The following SLC44A5 variants were observed in gnomAD, a reference collection of about 807,000 sequenced individuals.
SLC44A5 encodes choline transporter-like protein 5.
In SLC44A5, 57 loss-of-function variants were observed where a neutral mutation model predicts 101.8. That is an observed-to-expected ratio of 0.56 (90% CI 0.45 to 0.70). The LOEUF is 0.70. SLC44A5 is among the 30% of genes least tolerant of loss of function. SLC44A5 has a pLI of 0.00. For missense variants in SLC44A5, 737 were observed against 853.1 expected (o/e 0.86, Z 1.70); for synonymous variants, 281 against 290.9 (o/e 0.97, Z 0.35).
At chr1:75,712,697 G>GA in the SLC44A5 span, among the ~76,000 whole-genome samples, 1,987 of 22,116 alleles carry the variant, frequency 0.09, 106 homozygotes, top group African/African-American at 0.25. Flanking sequence ...AAGCATTTGA[G>GA]AAAAAAAAAA....
intron 4 of SLC44A5, among the ~76,000 whole-genome samples, chr1:75,330,463 CCTTGCTTACTAT>C (rs1365953008): frequency 2.6e-5 from 4 of 152,136 alleles, no homozygotes; most frequent in South Asian, 4.1e-4. Flanking sequence ...GTAACATATT[CCTTGCTTACTAT>C]CTTGCAACTA....
intron 1 of SLC44A5, among the ~76,000 whole-genome samples, chr1:75,559,287 G>A (rs1395857869): frequency 6.6e-6 from 1 of 151,952 alleles, no homozygotes; most frequent in Non-Finnish European, 1.5e-5. Flanking sequence ...AACTGGAATA[G>A]GGTGTTAAAT....
At chr1:75,687,455 C>A in the SLC44A5 span, among the ~76,000 whole-genome samples, 2 of 151,898 alleles carry the variant, frequency 1.3e-5, no homozygotes, top group Non-Finnish European at 2.9e-5. Context: ...AGGCGCCCAC[C>A]AACACGCCTG....
intron 19 of SLC44A5, 45 bp from the exon 20 acceptor site, chr1:75,214,723 T>C: frequency 6.7e-7 from 1 of 1,488,464 alleles, no homozygotes; most frequent in African/African-American, 1.4e-5. Context: ...TAACATACTC[T>C]AACAAGATCA....
chr1:75,334,205 A>C (rs1657272077), intron 4 of SLC44A5, among the ~76,000 whole-genome samples: 1 of 152,204 alleles, frequency 6.6e-6, no homozygotes, highest in South Asian at 2.1e-4. Context: ...GGTCTATGAG[A>C]AGCCAGAAGC....
At chr1:75,520,258 C>T (rs1401719855) in intron 2 of SLC44A5, among the ~76,000 whole-genome samples, 1 of 152,090 alleles carries the variant, frequency 6.6e-6, no homozygotes, top group African/African-American at 2.4e-5. Context: ...ACCTGAGAGA[C>T]AGAGGTGGGA....
chr1:75,600,780 G>C (rs1435704374), intron 1 of SLC44A5, among the ~76,000 whole-genome samples: 1 of 152,110 alleles, frequency 6.6e-6, no homozygotes, highest in Admixed American at 6.6e-5. Flanking sequence ...TAGCCTAGGA[G>C]TGGAGCAATA....
chr1:75,572,393 T>C (rs114963612), intron 1 of SLC44A5, among the ~76,000 whole-genome samples: 1,648 of 152,286 alleles, frequency 0.011, 43 homozygotes, highest in African/African-American at 0.037. Flanking sequence ...AGATAATTCA[T>C]TGGGATTTGA....
Position 75,219,292 on chromosome 1 carries a change from GC to G in SLC44A5, c.1230del (p.His411IlefsTer58). The stretch of plus-strand genomic sequence containing the variant: ...CAGGTTTGATTTTCATGTATACAAT[GC>G]CCCCCTGGAGCTATGACTTTGTATA... The part of the protein sequence containing the change: ...VPVYKVIAPG[G>X]HCIHENQTCD... On this transcript the variant is annotated frameshift_variant, in exon 16 of 24. Transcript: ENST00000370859. LOFTEE classifies it high-confidence loss of function. 6.2e-7 allele frequency: 1 copy of G among 1,613,020 alleles called. No individual in the cohort carries two copies. The highest frequency in any genetic ancestry group is 1.1e-5 in the South Asian group (1 of 91,044).
At chr1:75,247,352 G>T (rs186197301) in intron 7 of SLC44A5, among the ~76,000 whole-genome samples, 36 of 152,158 alleles carry the variant, frequency 2.4e-4, no homozygotes, top group Non-Finnish European at 3.8e-4. Flanking sequence ...ACAATTTTAG[G>T]GATAAAGTCA....
intron 11 of SLC44A5, among the ~76,000 whole-genome samples, chr1:75,236,622 G>A (rs1451819667): frequency 2.0e-5 from 3 of 152,012 alleles, no homozygotes; most frequent in Admixed American, 2.0e-4. Flanking sequence ...AAAAGAATCT[G>A]AGAAACAATC....
intron 3 of SLC44A5, among the ~76,000 whole-genome samples, chr1:75,375,566 T>C (rs959019749): frequency 2.0e-5 from 3 of 152,034 alleles, no homozygotes; most frequent in Non-Finnish European, 4.4e-5. Flanking sequence ...AGAAAAGAAA[T>C]CTTAAAGGCA....
intron 1 of SLC44A5, among the ~76,000 whole-genome samples, chr1:75,597,093 T>A (rs188633934): frequency 1.9e-3 from 275 of 146,250 alleles, no homozygotes; most frequent in African/African-American, 6.4e-3. Flanking sequence ...GAGGCTGAAG[T>A]GGGAGGATGG....
Position 75,203,088 on chromosome 1 carries a change from G to A in SLC44A5, c.*639C>T, listed in dbSNP as rs966266774. ...CTTGTTTTAATCACGAAACATTGCA[G>A]GTTTTAATTTTTTAAAAAACAATGT... On this transcript the variant is annotated 3_prime_UTR_variant, in exon 24 of 24. Transcript: ENST00000370859. 8.5e-5 allele frequency: 13 copies of A among 152,202 alleles called. No individual in the cohort carries two copies. The highest frequency in any genetic ancestry group is 2.6e-4 in the African/African-American group (11 of 41,552). The allele number at this position is 152,202 out of a possible 1,614,324, so 9.4% of individuals were successfully genotyped here.
the SLC44A5 span, among the ~76,000 whole-genome samples, chr1:75,690,217 T>C: frequency 1.3e-5 from 2 of 152,130 alleles, no homozygotes; most frequent in African/African-American, 2.4e-5. Flanking sequence ...CTTACAATCA[T>C]GGCAGAAGGT....
At chr1:75,674,885 TG>T in the SLC44A5 span, among the ~76,000 whole-genome samples, 4 of 152,184 alleles carry the variant, frequency 2.6e-5, no homozygotes, top group African/African-American at 4.8e-5. Flanking sequence ...CTCCATTGCT[TG>T]TTTTTGTCAG....
chr1:75,385,593 G>A (rs1661265872), intron 3 of SLC44A5, among the ~76,000 whole-genome samples: 1 of 152,126 alleles, frequency 6.6e-6, no homozygotes, highest in South Asian at 2.1e-4. Flanking sequence ...AAGAATCCAG[G>A]ACCAGATGGA....
the SLC44A5 span, among the ~76,000 whole-genome samples, chr1:75,675,901 T>C: frequency 6.6e-6 from 1 of 152,108 alleles, no homozygotes; most frequent in Non-Finnish European, 1.5e-5. Flanking sequence ...CATGAACAGA[T>C]GCTTTTCAAA....
rs186460022 is a variant in SLC44A5, at chr1:75,578,832, G to A, written c.-70+32208C>T. On this transcript the variant is annotated intron_variant, in intron 1 of 23. Coordinates refer to ENST00000370859, the MANE Select transcript of SLC44A5 (RefSeq NM_001130058.2). ...TGTGAGGTGACAGATATGTTATCAG[G>A]CTTGATTTAATCATTTTTCAATGGA... Among the ~76,000 whole-genome samples the A allele has an allele frequency of 2.0e-5, 3 of 152,114 alleles. No individual in the cohort carries two copies. In the East Asian group the frequency reaches 5.8e-4, roughly 29 times the overall value.
Sources: gnomAD v4.1 joint callset for allele counts (sites outside exome capture counted in the v4.1 genomes callset) on GRCh38, gnomAD v4.1.1 for gene constraint, MANE v1.5 for transcripts, NCBI Gene and HGNC (gene_info 2026-07-23, HGNC 2026-07-21) for gene names.